The following PSD3 variants were observed in gnomAD, a reference collection of about 807,000 sequenced individuals.
The protein encoded by PSD3 is pleckstrin and Sec7 domain containing 3.
PSD3 carries 49 observed loss-of-function variants against 105.5 expected under a neutral mutation model. That is an observed-to-expected ratio of 0.46 (90% CI 0.37 to 0.59). The LOEUF (loss-of-function observed/expected upper bound fraction) is 0.59. Among genes scored for constraint, PSD3 ranks in the 20% least tolerant of loss-of-function variants. The probability of loss-of-function intolerance (pLI) is 0.00; values close to 1 mark genes in which losing one functional copy is unlikely to be tolerated. For missense variants in PSD3, 1,561 were observed against 1,263.8 expected, an observed-to-expected ratio of 1.24 and a Z score of -3.57; for synonymous variants, 557 against 457.8, an observed-to-expected ratio of 1.22 and a Z score of -2.77.
chr8:18,667,907 T>C (rs1799571218), intron 9 of PSD3, among the ~76,000 whole-genome samples: 1 of 152,182 alleles, frequency 6.6e-6, no homozygotes, highest in South Asian at 2.1e-4. Context: ...CGGTGCACCC[T>C]CCACAGCTGC....
intron 8 of PSD3, among the ~76,000 whole-genome samples, chr8:18,793,354 C>T (rs1316161129): frequency 7.2e-6 from 1 of 138,700 alleles, no homozygotes; most frequent in African/African-American, 2.7e-5. Flanking sequence ...AAAAATAACT[C>T]TGTAAGGTAT....
At chr8:18,562,212 T>A (rs938398332) in intron 14 of PSD3, among the ~76,000 whole-genome samples, 13 of 152,196 alleles carry the variant, frequency 8.5e-5, no homozygotes, top group African/African-American at 2.9e-4. Flanking sequence ...CCACCAGTCT[T>A]TTCCTCCAAG....
chr8:18,695,336 T>A (rs762383954), intron 9 of PSD3, among the ~76,000 whole-genome samples: 5 of 152,210 alleles, frequency 3.3e-5, no homozygotes, highest in Admixed American at 3.3e-4. Flanking sequence ...GACATAAAAG[T>A]GCATGCATGA....
At chr8:19,078,901 G>A (rs556118450) in intron 1 of PSD3, among the ~76,000 whole-genome samples, 2 of 151,682 alleles carry the variant, frequency 1.3e-5, no homozygotes, top group African/African-American at 4.8e-5. Flanking sequence ...GCAAGCAGAA[G>A]ATAGCAGAGG....
In PSD3 at chr8:18,609,696, C is replaced by T. The variant is rs534981296; in HGVS notation, c.2411-9262G>A. Among the ~76,000 whole-genome samples the T allele has an allele frequency of 1.1e-4, 17 of 152,340 alleles. No individual in the cohort carries two copies. The East Asian group carries it at 3.1e-3, about 28-fold the overall frequency. ...AGATACAACTCACGCAGGGAGGAGT[C>T]TGCTTTCTGCAATTGATGTGCAAAG... On this transcript the variant is annotated intron_variant, in intron 11 of 15. Transcript: ENST00000327040.
intron 4 of PSD3, among the ~76,000 whole-genome samples, chr8:18,847,043 G>T (rs1815149689): frequency 6.6e-6 from 1 of 152,114 alleles, no homozygotes; most frequent in African/African-American, 2.4e-5. Context: ...TCCTGGATAA[G>T]CAAGAGTCAA....
upstream of PSD3, among the ~76,000 whole-genome samples, chr8:19,013,878 G>C (rs181305734): frequency 2.7e-5 from 4 of 150,322 alleles, no homozygotes; most frequent in South Asian, 2.1e-4. Context: ...GCCTCGGGGA[G>C]GGGGGAGGTG....
intron 1 of PSD3, among the ~76,000 whole-genome samples, chr8:19,065,587 G>C (rs932223411): frequency 6.6e-6 from 1 of 152,130 alleles, no homozygotes; most frequent in Admixed American, 6.5e-5. Flanking sequence ...AGGGAAACAC[G>C]TTCGCTGGTT....
At chr8:18,666,355 A>C (rs1170443329) in intron 9 of PSD3, among the ~76,000 whole-genome samples, 1 of 152,214 alleles carries the variant, frequency 6.6e-6, no homozygotes, top group Non-Finnish European at 1.5e-5. Context: ...CCAGCTGTGT[A>C]AACATAACTT....
chr8:18,592,412 C>A (rs1264969258), intron 12 of PSD3, among the ~76,000 whole-genome samples: 1 of 151,918 alleles, frequency 6.6e-6, no homozygotes, highest in East Asian at 1.9e-4. Context: ...TTATGGAAAT[C>A]CAAGAAAGAG....
At chr8:18,841,512 C>G (rs1814625729) in intron 4 of PSD3, among the ~76,000 whole-genome samples, 1 of 149,416 alleles carries the variant, frequency 6.7e-6, no homozygotes. Flanking sequence ...AATTTAAACA[C>G]TCACTAGCAT....
chr8:18,652,565 T>A (rs1292893009), intron 10 of PSD3, among the ~76,000 whole-genome samples: 1 of 139,044 alleles, frequency 7.2e-6, no homozygotes, highest in East Asian at 2.3e-4. Flanking sequence ...TGGCACAATC[T>A]CAGCTCACTG....
At chr8:18,603,689 G>C (rs978677408) in intron 11 of PSD3, among the ~76,000 whole-genome samples, 37 of 152,074 alleles carry the variant, frequency 2.4e-4, no homozygotes, top group African/African-American at 8.9e-4. Context: ...GAGGTGATTG[G>C]GTCATGTGGG....
intron 4 of PSD3, among the ~76,000 whole-genome samples, chr8:18,861,616 C>G (rs1353505951): frequency 6.6e-6 from 1 of 152,184 alleles, no homozygotes; most frequent in Non-Finnish European, 1.5e-5. Context: ...TGCTTGAACT[C>G]TCACAATCAT....
chr8:18,865,309 T>A (rs1278516099), intron 4 of PSD3: 6 of 120,780 alleles, frequency 5.0e-5, no homozygotes, highest in South Asian at 2.7e-4. Context: ...TTTTTTTTTT[T>A]AAAGGCTATC....
intron 9 of PSD3, among the ~76,000 whole-genome samples, chr8:18,747,784 A>G (rs1477533922): frequency 6.6e-6 from 1 of 152,130 alleles, no homozygotes; most frequent in Non-Finnish European, 1.5e-5. Context: ...AGCAACTCCA[A>G]GAAAAGGCTA....
At chr8:18,797,639 A>T (rs950755602) in intron 8 of PSD3, among the ~76,000 whole-genome samples, 6 of 152,156 alleles carry the variant, frequency 3.9e-5, no homozygotes, top group African/African-American at 1.2e-4. Context: ...ATTCAGATAC[A>T]TGCTTATGTA....
intron 9 of PSD3, among the ~76,000 whole-genome samples, chr8:18,752,517 G>GTAATATATATAATTATATA (rs1563225046): frequency 2.0e-5 from 1 of 50,724 alleles, no homozygotes; most frequent in Non-Finnish European, 3.4e-5. Flanking sequence ...TATAATATAT[G>GTAATATATATAATTATATA]TAATATATAT....
chr8:18,903,163 T>C (rs1368549829), intron 2 of PSD3, among the ~76,000 whole-genome samples: 1 of 152,144 alleles, frequency 6.6e-6, no homozygotes, highest in Non-Finnish European at 1.5e-5. Context: ...GCTGTGATTT[T>C]ACTTTTAGGG....
Sources: gnomAD v4.1 joint callset for allele counts (sites outside exome capture counted in the v4.1 genomes callset) on GRCh38, gnomAD v4.1.1 for gene constraint, MANE v1.5 for transcripts, NCBI Gene and HGNC (gene_info 2026-07-23, HGNC 2026-07-21) for gene names.